The following BABAM2 variants were observed in gnomAD, a reference collection of about 807,000 sequenced individuals.
BABAM2 encodes the protein BRISC and BRCA1 A complex member 2.
A neutral mutation model predicts 54.7 loss-of-function variants in BABAM2; 31 were observed. That is an observed-to-expected ratio of 0.57 (90% confidence interval 0.43 to 0.77). BABAM2 has a LOEUF of 0.77. Ranked by LOEUF, BABAM2 falls within the 30% of genes least tolerant of loss-of-function variation. The probability of loss-of-function intolerance (pLI) is 0.00; values close to 1 mark genes in which losing one functional copy is unlikely to be tolerated. For synonymous variants in BABAM2, 167 were observed against 162.9 expected (o/e 1.03, Z -0.19); for missense variants, 364 against 455.8 (o/e 0.80, Z 1.83).
At chr2:28,315,467 TTTTCTTTTCTTTTCTTTTC>T (rs1689467421) in intron 11 of BABAM2, among the ~76,000 whole-genome samples, 1 of 105,972 alleles carries the variant, frequency 9.4e-6, no homozygotes, top group East Asian at 3.2e-4. Flanking sequence ...TTTTCTTTTC[TTTTCTTTTCTTTTCTTTTC>T]GAGACAGAGT....
intron 4 of BABAM2, among the ~76,000 whole-genome samples, chr2:27,993,819 C>T (rs1234784954): frequency 6.6e-6 from 1 of 152,068 alleles, no homozygotes; most frequent in East Asian, 1.9e-4. Flanking sequence ...AGTACCAATG[C>T]CTTGTCACTT....
intron 6 of BABAM2, among the ~76,000 whole-genome samples, chr2:28,121,721 A>G (rs552455403): frequency 9.2e-5 from 14 of 152,034 alleles, no homozygotes; most frequent in African/African-American, 3.1e-4. Context: ...AACATACTAT[A>G]TATTTTATTT....
intron 6 of BABAM2, among the ~76,000 whole-genome samples, chr2:28,108,079 A>G (rs1355591185): frequency 6.6e-6 from 1 of 151,898 alleles, no homozygotes; most frequent in South Asian, 2.1e-4. Flanking sequence ...TTTTTTAAAC[A>G]TAGTTTTGTT....
intron 2 of BABAM2, among the ~76,000 whole-genome samples, chr2:27,904,711 A>G (rs893639369): frequency 4.6e-5 from 7 of 152,242 alleles, no homozygotes; most frequent in Admixed American, 2.6e-4. Flanking sequence ...TACTGCATTC[A>G]TGAAACTATG....
At chr2:28,206,005 G>A (rs190725281) in intron 7 of BABAM2, among the ~76,000 whole-genome samples, 15 of 152,230 alleles carry the variant, frequency 9.9e-5, no homozygotes, top group Non-Finnish European at 1.8e-4. Flanking sequence ...GAAGGCTTTC[G>A]TGTAGGACTG....
intron 11 of BABAM2, among the ~76,000 whole-genome samples, chr2:28,336,461 A>G (rs898129634): frequency 6.9e-6 from 1 of 143,914 alleles, no homozygotes; most frequent in African/African-American, 2.5e-5. Flanking sequence ...GTTTGAGGGG[A>G]GGGAGGGCTG....
chr2:28,051,729 A>G (rs1573478255), intron 6 of BABAM2, among the ~76,000 whole-genome samples: 1 of 151,952 alleles, frequency 6.6e-6, no homozygotes, highest in Non-Finnish European at 1.5e-5. Flanking sequence ...GCTCACTGCA[A>G]CCTCCACCTC....
intron 3 of BABAM2, among the ~76,000 whole-genome samples, chr2:27,943,968 A>G (rs984047326): frequency 6.6e-6 from 1 of 152,104 alleles, no homozygotes; most frequent in Admixed American, 6.6e-5. Flanking sequence ...CTTGGAATTC[A>G]TGGGTTAGAA....
At position 28,304,840 on chromosome 2, in the gene BABAM2, C is replaced by G. The variant is rs537033370; in HGVS notation, c.1088+6349C>G. Among the ~76,000 whole-genome samples the G allele has an allele frequency of 1.7e-4, 26 of 149,602 alleles. No homozygotes were observed. Among genetic ancestry groups the G allele is most frequent in the African/African-American group, 6.3e-4 (26 of 41,340 alleles). On this transcript the variant is annotated intron_variant, in intron 11 of 11. Transcript: ENST00000379624. The surrounding 1 kb of genome is among the most constrained non-coding windows in gnomAD (Gnocchi z 4.0). Reference sequence around the variant, plus strand: ...CAGGCAATCCACCTGCCTTGGCCTCCCAAAGTGCTAGGATTACAGGCATGA... The same window carrying G: ...CAGGCAATCCACCTGCCTTGGCCTCGCAAAGTGCTAGGATTACAGGCATGA...
intron 10 of BABAM2, among the ~76,000 whole-genome samples, chr2:28,262,104 A>C (rs1031325758): frequency 6.6e-6 from 1 of 152,226 alleles, no homozygotes; most frequent in Non-Finnish European, 1.5e-5. Context: ...TTCCAAGCTG[A>C]GAGCCTGGTG....
chr2:28,220,774 C>T (rs941376899), intron 7 of BABAM2, among the ~76,000 whole-genome samples: 1 of 152,012 alleles, frequency 6.6e-6, no homozygotes, highest in Non-Finnish European at 1.5e-5. Flanking sequence ...ACAAAAAATA[C>T]AAAAATTAGC....
chr2:27,912,824 A>G (rs1309186967), intron 2 of BABAM2, among the ~76,000 whole-genome samples: 2 of 152,210 alleles, frequency 1.3e-5, no homozygotes, highest in Non-Finnish European at 2.9e-5. Context: ...AAATAGTGTT[A>G]CAGGTTCTGA....
intron 10 of BABAM2, among the ~76,000 whole-genome samples, chr2:28,255,283 CT>C (rs897193157): frequency 6.6e-6 from 1 of 151,828 alleles, no homozygotes; most frequent in Non-Finnish European, 1.5e-5. Context: ...GCCATTCCGT[CT>C]TTTTTTTAAG....
At chr2:28,225,010 G>C (rs1680758598) in intron 7 of BABAM2, among the ~76,000 whole-genome samples, 2 of 152,168 alleles carry the variant, frequency 1.3e-5, no homozygotes, top group Admixed American at 1.3e-4. Context: ...GATAGGGAGT[G>C]AACTGTTTAG....
chr2:27,969,641 C>T lies in BABAM2; in HGVS notation c.206-18352C>T, dbSNP rs910156701. 7.9e-5 allele frequency among the ~76,000 whole-genome samples: 12 copies of T among 152,178 alleles called. No homozygotes were observed. The South Asian group carries it at 1.4e-3, about 18-fold the overall frequency. On this transcript the variant is annotated intron_variant, in intron 3 of 11. Coordinates refer to ENST00000379624, the MANE Select transcript of BABAM2 (RefSeq NM_199191.3). ...TGCAGTTACTGGAGCTGGATGGCCA[C>T]GATTTCTGGCAGTGGTTCTTTCTCA...
intron 7 of BABAM2, among the ~76,000 whole-genome samples, chr2:28,206,611 T>A (rs1341334531): frequency 6.6e-6 from 1 of 152,118 alleles, no homozygotes; most frequent in Non-Finnish European, 1.5e-5. Flanking sequence ...TCTGGCCAAG[T>A]CTTGTGTCTT....
intron 11 of BABAM2, among the ~76,000 whole-genome samples, chr2:28,336,960 T>C (rs1293520382): frequency 6.6e-6 from 1 of 152,138 alleles, no homozygotes; most frequent in Non-Finnish European, 1.5e-5. Context: ...CTGCTTCTGA[T>C]CTCCTGGGAG....
intron 11 of BABAM2, among the ~76,000 whole-genome samples, chr2:28,330,411 A>G (rs1690846491): frequency 6.6e-6 from 1 of 152,252 alleles, no homozygotes; most frequent in African/African-American, 2.4e-5. Context: ...TGCAGATGCC[A>G]TGATCTTATA....
chr2:28,093,086 A>G (rs1163607048), intron 6 of BABAM2, among the ~76,000 whole-genome samples: 1 of 152,122 alleles, frequency 6.6e-6, no homozygotes, highest in East Asian at 1.9e-4. Context: ...TTTAATCATT[A>G]TTTTTAGTTA....
Sources: gnomAD v4.1 joint callset for allele counts (sites outside exome capture counted in the v4.1 genomes callset) on GRCh38, gnomAD v4.1.1 for gene constraint, Gnocchi (gnomAD v3.1) non-coding constraint, MANE v1.5 for transcripts, NCBI Gene and HGNC (gene_info 2026-07-23, HGNC 2026-07-21) for gene names.